The following CCDC110 variants were observed in gnomAD, a reference collection of about 807,000 sequenced individuals.
CCDC110 encodes coiled-coil domain containing 110.
CCDC110 carries 70 observed loss-of-function variants against 77.1 expected under a neutral mutation model. The ratio of observed to expected loss-of-function variants is 0.91; its 90% CI spans 0.75 to 1.11. CCDC110 has a LOEUF of 1.11. Ranked by LOEUF, CCDC110 falls within the 50% of genes least tolerant of loss-of-function variation. The pLI, the probability that CCDC110 is intolerant of heterozygous loss-of-function variation, is 0.00. For synonymous variants in CCDC110, 295 were observed against 312.5 expected, an observed-to-expected ratio of 0.94 and a Z score of 0.59; for missense variants, 868 against 942.9, an observed-to-expected ratio of 0.92 and a Z score of 1.04.
intron 6 of CCDC110, among the ~76,000 whole-genome samples, chr4:185,448,382 TAAG>T (rs1391436205): frequency 6.6e-6 from 1 of 152,182 alleles, no homozygotes; most frequent in Non-Finnish European, 1.5e-5. Flanking sequence ...TTTATTATAA[TAAG>T]CTAATATAGA....
chr4:185,452,888 CAA>C (rs70962569), intron 6 of CCDC110, among the ~76,000 whole-genome samples: 2,154 of 66,974 alleles, frequency 0.032, 1 homozygote, highest in South Asian at 0.061. Flanking sequence ...GAGTGAGACT[CAA>C]AAAAAAAAAA....
intron 1 of CCDC110, 139 bp downstream of exon 1, chr4:185,471,535 G>T: frequency 1.0e-6 from 1 of 958,508 alleles, no homozygotes; most frequent in Non-Finnish European, 1.6e-6. Flanking sequence ...CTAGGGCCGA[G>T]CGGGAGATGT....
In CCDC110 at chr4:185,460,884, G is replaced by T. The variant is rs749185137; in HGVS notation, c.348+165C>A. 1.6e-5 allele frequency: 9 copies of T among 570,076 alleles called. No individual in the cohort carries two copies. The East Asian group carries it at 3.0e-4, about 19-fold the overall frequency. The allele number at this position is 570,076 out of a possible 1,614,324, so 35.3% of individuals were successfully genotyped here. On this transcript the variant is annotated intron_variant, in intron 5 of 6. Coordinates refer to ENST00000307588, the MANE Select transcript of CCDC110 (RefSeq NM_152775.4). ...ATGGGAAAACTGCAAAAGTACAGAG[G>T]TAAATACACATCTTTTAAGGTTTTC...
chr4:185,471,058 G>T lies in CCDC110; in HGVS notation c.11-9C>A. ...TTCCCGGTGCTGCTTTTCTGTAACA[G>T]AACCGTCCGGGGCTGTTCTGTCGCG... is the stretch of plus-strand genomic sequence containing the variant. On this transcript the variant is annotated splice_polypyrimidine_tract_variant and intron_variant, in intron 1 of 6. Coordinates refer to ENST00000307588, the MANE Select transcript of CCDC110 (RefSeq NM_152775.4). 6.9e-7 allele frequency: 1 copy of T among 1,455,008 alleles called. No homozygotes were observed. 90.1% of individuals were successfully genotyped at this position (1,455,008 alleles called of 1,614,324 possible). A position where few individuals can be genotyped will look rare whatever the true frequency, so the allele number is the denominator to read the frequency against.
chr4:185,451,024 A>G (rs565249042), intron 6 of CCDC110, among the ~76,000 whole-genome samples: 38 of 152,206 alleles, frequency 2.5e-4, no homozygotes, highest in Admixed American at 1.2e-3. Context: ...AGTTAATTCA[A>G]TCATGGAGGC....
chr4:185,462,537 T>C, intron 4 of CCDC110, 106 bp downstream of exon 4: 1 of 822,992 alleles, frequency 1.2e-6, no homozygotes, highest in African/African-American at 1.7e-5. Context: ...GCCTCTATTA[T>C]ATTAAATTCT....
chr4:185,470,928 C>A lies in CCDC110; in HGVS notation c.115+17G>T. The A allele has an allele frequency of 2.6e-6, 4 of 1,558,494 alleles. No individual in the cohort carries two copies. Among genetic ancestry groups the A allele is most frequent in the Non-Finnish European group, 3.5e-6 (4 of 1,130,204 alleles). ...TGTGTATAGTTAAAGGAGCCTTTTA[C>A]GGTCTGGCGATTTTACCTGTGTCAC... On this transcript the variant is annotated intron_variant, in intron 2 of 6. Transcript: ENST00000307588.
At chr4:185,453,649 G>A (rs1489429391) in intron 6 of CCDC110, among the ~76,000 whole-genome samples, 1 of 149,374 alleles carries the variant, frequency 6.7e-6, no homozygotes, top group African/African-American at 2.5e-5. Flanking sequence ...CCAGGCTCAA[G>A]CAATCCTGCC....
At chr4:185,464,126 G>A (rs1402857856) in intron 2 of CCDC110, among the ~76,000 whole-genome samples, 1 of 152,172 alleles carries the variant, frequency 6.6e-6, no homozygotes, top group Non-Finnish European at 1.5e-5. Flanking sequence ...AGCTTTCAGT[G>A]TCCTAAGTAA....
chr4:185,451,246 T>C (rs1048734428), intron 6 of CCDC110, among the ~76,000 whole-genome samples: 7 of 152,210 alleles, frequency 4.6e-5, no homozygotes, highest in East Asian at 3.8e-4. Context: ...TATCCAGTCT[T>C]GGGTATGTCT....
At position 185,449,655 on chromosome 4, in the gene CCDC110, A is replaced by G. The variant is rs559006781; in HGVS notation, c.2462-4113T>C. 4 of 1,518,242 alleles carry G rather than the reference A, an allele frequency of 2.6e-6. No homozygotes were observed. The African/African-American group carries it at 4.2e-5, about 16-fold the overall frequency. 94.0% of individuals were successfully genotyped at this position (1,518,242 alleles called of 1,614,324 possible). On this transcript the variant is annotated intron_variant, in intron 6 of 6. Coordinates refer to ENST00000307588, the MANE Select transcript of CCDC110 (RefSeq NM_152775.4). ...GTACCATCCTATTAGCAACTGGAAG[A>G]CAAGTAGCTTTCTAGATCTTAACTA... is the stretch of plus-strand genomic sequence containing the variant.
At chr4:185,452,294 TAA>T (rs2095630315) in intron 6 of CCDC110, 1 of 985,306 alleles carries the variant, frequency 1.0e-6, no homozygotes, top group African/African-American at 1.7e-5. Context: ...CGTCAATGAG[TAA>T]TGGAAGAAAT....
In CCDC110 at chr4:185,452,888, C is replaced by CAAAAA. The variant is rs70962569; in HGVS notation, c.2461+5233_2461+5237dup. ...CCAGCCTGGACGGCAGAGTGAGACT[C>CAAAAA]AAAAAAAAAAAAAAAAAAAAAAAGC... On this transcript the variant is annotated intron_variant, in intron 6 of 6. Transcript: ENST00000307588. 1.2e-4 allele frequency among the ~76,000 whole-genome samples: 8 copies of CAAAAA among 67,250 alleles called. 2 individuals are homozygous for CAAAAA. Among genetic ancestry groups the CAAAAA allele is most frequent in the African/African-American group, 1.8e-4 (3 of 16,356 alleles). The allele number at this position is 67,250 out of a possible 152,430, so 44.1% of individuals were successfully genotyped here. A position where few individuals can be genotyped will look rare whatever the true frequency, so the allele number is the denominator to read the frequency against.
chr4:185,457,340 G>C, intron 6 of CCDC110: 1 of 455,892 alleles, frequency 2.2e-6, no homozygotes, highest in Non-Finnish European at 4.4e-6. Flanking sequence ...CTACAGGAAA[G>C]GGCAGGCATC....
In CCDC110 at chr4:185,459,909, A is replaced by C. The variant is rs761829432; in HGVS notation, c.678T>G (p.Thr226=). 15 of 1,613,932 alleles carry C rather than the reference A, an allele frequency of 9.3e-6. 1 individual carries two copies. In the South Asian group the frequency reaches 1.1e-4, roughly 12 times the overall value. The change falls in exon 6 of 7, where the codon ACT becomes ACG. Residue 226 remains threonine (T), a synonymous_variant. Coordinates refer to ENST00000307588, the MANE Select transcript of CCDC110 (RefSeq NM_152775.4). The part of the protein sequence containing the change: ...DTVILDKSKI[T]VPFLKHGFCE... Reference sequence around the variant, plus strand: ...AAAATCCATGCTTGAGAAAAGGCACAGTAATTTTGGATTTATCCAGAATTA... The same window carrying C: ...AAAATCCATGCTTGAGAAAAGGCACCGTAATTTTGGATTTATCCAGAATTA...
At chr4:185,463,738 C>A (rs77004884) in intron 2 of CCDC110, among the ~76,000 whole-genome samples, 2,513 of 152,266 alleles carry the variant, frequency 0.017, 23 homozygotes, top group Non-Finnish European at 0.026. Flanking sequence ...TCATATGATA[C>A]CTGGCCAACC....
chr4:185,447,820 T>C (rs2095618475), intron 6 of CCDC110, among the ~76,000 whole-genome samples: 1 of 152,216 alleles, frequency 6.6e-6, no homozygotes, highest in South Asian at 2.1e-4. Flanking sequence ...TCTAAATTGC[T>C]ATGATACCAA....
chr4:185,447,531 G>A (rs1238021732), intron 6 of CCDC110, among the ~76,000 whole-genome samples: 1 of 152,142 alleles, frequency 6.6e-6, no homozygotes, highest in African/African-American at 2.4e-5. Context: ...AATGGCAAGT[G>A]CATAAAGCGT....
Position 185,459,908 on chromosome 4 carries a change from C to T in CCDC110, c.679G>A (p.Val227Met). 1 of 1,613,814 alleles carries T rather than the reference C, an allele frequency of 6.2e-7. No homozygotes were observed. Among genetic ancestry groups the T allele is most frequent in the Non-Finnish European group, 8.5e-7 (1 of 1,179,878 alleles). Reference protein sequence around the residue: ...TVILDKSKITVPFLKHGFCEN... With the variant: ...TVILDKSKITMPFLKHGFCEN... ...CAAAATCCATGCTTGAGAAAAGGCACAGTAATTTTGGATTTATCCAGAATT... is the reference window on the plus strand; with the variant it reads ...CAAAATCCATGCTTGAGAAAAGGCATAGTAATTTTGGATTTATCCAGAATT... The change falls in exon 6 of 7, where the codon GTG becomes ATG. Residue 227 changes from valine to methionine, a missense_variant. Coordinates refer to ENST00000307588, the MANE Select transcript of CCDC110 (RefSeq NM_152775.4).
Sources: allele counts gnomAD v4.1 joint callset (sites outside exome capture counted in the v4.1 genomes callset), GRCh38; gene constraint gnomAD v4.1.1; transcripts MANE v1.5; gene names NCBI Gene and HGNC (gene_info 2026-07-23, HGNC 2026-07-21).